The following ZNF420 variants were observed in gnomAD, a reference collection of about 807,000 sequenced individuals.
The protein encoded by ZNF420 is ATM and p53-associated KZNF protein.
ZNF420 carries 31 observed loss-of-function variants against 44.7 expected under a neutral mutation model. The ratio of observed to expected loss-of-function variants is 0.69; its 90% CI spans 0.52 to 0.94. ZNF420 has a LOEUF of 0.94. ZNF420 is among the 40% of genes least tolerant of loss of function. The probability of loss-of-function intolerance (pLI) is 0.00; values close to 1 mark genes in which losing one functional copy is unlikely to be tolerated. For missense variants in ZNF420, 681 were observed against 827.9 expected, an observed-to-expected ratio of 0.82 and a Z score of 2.18; for synonymous variants, 245 against 267.4, an observed-to-expected ratio of 0.92 and a Z score of 0.82.
intron 4 of ZNF420, chr19:37,107,060 A>C (rs186432614): frequency 3.3e-5 from 5 of 152,342 alleles, no homozygotes. Context: ...TGGGTTTTAC[A>C]CTGAGACATT....
chr19:37,011,440 A>G lies in ZNF420; in HGVS notation c.-125+3358A>G, dbSNP rs571471648. On this transcript the variant is annotated intron_variant, in intron 1 of 4. Coordinates refer to the ZNF420 transcript ENST00000587029. ...CATCCTCTTCTGAGCTCCTGGGTGG[A>G]CTGCCTCCCAGAACTGAATCTTTTG... is the stretch of plus-strand genomic sequence containing the variant. Among the ~76,000 whole-genome samples the G allele has an allele frequency of 2.0e-5, 3 of 152,206 alleles. No homozygotes were observed. In the East Asian group the frequency reaches 5.8e-4, roughly 29 times the overall value.
rs866784263 is a variant in ZNF420, at chr19:37,089,892, A to T, written c.9+765A>T. On this transcript the variant is annotated intron_variant, in intron 3 of 4. Coordinates refer to ENST00000337995, the MANE Select transcript of ZNF420 (RefSeq NM_144689.5). The stretch of plus-strand genomic sequence containing the variant: ...TATTCATTATATGGAGCTATTCTGT[A>T]GCCTATAAAATATTTACTAAATTAT... Among the ~76,000 whole-genome samples the T allele has an allele frequency of 3.9e-5, 6 of 152,336 alleles. No homozygotes were observed. The South Asian group carries it at 1.2e-3, about 32-fold the overall frequency.
intron 1 of ZNF420, among the ~76,000 whole-genome samples, chr19:37,049,736 C>G (rs1967605706): frequency 6.6e-6 from 1 of 152,168 alleles, no homozygotes; most frequent in Admixed American, 6.5e-5. Context: ...TCCCATTTGT[C>G]AATTTTGGCT....
At chr19:37,065,123 A>C (rs568557791) in intron 1 of ZNF420, among the ~76,000 whole-genome samples, 1 of 152,240 alleles carries the variant, frequency 6.6e-6, no homozygotes, top group East Asian at 1.9e-4. Context: ...GATTCTTTTA[A>C]CTCAAGATAC....
chr19:37,101,754 G>A (rs1463320742), intron 4 of ZNF420, among the ~76,000 whole-genome samples: 1 of 152,210 alleles, frequency 6.6e-6, no homozygotes, highest in African/African-American at 2.4e-5. Flanking sequence ...TGCTGTATGG[G>A]AGTCCAGACA....
At chr19:37,092,444 G>A (rs1969204502) in intron 4 of ZNF420, 1 of 152,098 alleles carries the variant, frequency 6.6e-6, no homozygotes, top group South Asian at 2.1e-4. Context: ...TCGGCTCGGT[G>A]GCTCACACCT....
intron 1 of ZNF420, among the ~76,000 whole-genome samples, chr19:37,010,078 C>T (rs901344992): frequency 6.6e-6 from 1 of 152,282 alleles, no homozygotes; most frequent in African/African-American, 2.4e-5. Flanking sequence ...TGCGCATGCC[C>T]GAGGCGCGAG....
intron 4 of ZNF420, among the ~76,000 whole-genome samples, chr19:37,110,954 A>T (rs1599698598): frequency 1.3e-5 from 2 of 152,374 alleles, no homozygotes; most frequent in South Asian, 4.1e-4. Context: ...GCCATGCACC[A>T]GAATTGATAA....
intron 1 of ZNF420, among the ~76,000 whole-genome samples, chr19:37,022,350 C>A (rs1380668307): frequency 1.3e-5 from 2 of 151,630 alleles, no homozygotes; most frequent in East Asian, 3.9e-4. Context: ...TTGAATTGTG[C>A]AAAAGGAATA....
chr19:37,053,030 G>C (rs1028258189), intron 1 of ZNF420, among the ~76,000 whole-genome samples: 1 of 152,098 alleles, frequency 6.6e-6, no homozygotes, highest in African/African-American at 2.4e-5. Context: ...TTTTCAAATA[G>C]TCCCATATTT....
chr19:37,127,469 A>G lies in ZNF420; in HGVS notation c.478A>G (p.Ile160Val). The G allele has an allele frequency of 1.2e-6, 2 of 1,614,058 alleles. No homozygotes were observed. The highest frequency in any genetic ancestry group is 2.2e-5 in the South Asian group (2 of 91,078). ...CTCACACCTAACACAACATCAAAGT[A>G]TTCATACTGGTGAAAAACCCTATGA... ...RASHLTQHQSIHTGEKPYECK... is the reference protein window; with the variant it reads ...RASHLTQHQSVHTGEKPYECK... The change falls in exon 5 of 5, where the codon ATT becomes GTT. Residue 160 changes from isoleucine (I) to valine (V), a missense_variant. By Grantham distance (29) the Ile-to-Val change is conservative. This residue lies in a region of ZNF420 where 350 missense variants were observed against 382.5 expected (regional missense o/e 0.92). Coordinates refer to ENST00000337995, the MANE Select transcript of ZNF420 (RefSeq NM_144689.5).
chr19:37,026,418 C>G (rs1967161682), intron 1 of ZNF420, among the ~76,000 whole-genome samples: 1 of 151,892 alleles, frequency 6.6e-6, no homozygotes, highest in Admixed American at 6.6e-5. Flanking sequence ...CTCCTGGGTT[C>G]AAGCGATTCT....
At chr19:37,036,068 A>G (rs1967349562) in intron 1 of ZNF420, among the ~76,000 whole-genome samples, 2 of 152,158 alleles carry the variant, frequency 1.3e-5, no homozygotes. Context: ...TGCCTTAACA[A>G]GGGCCCTTTT....
rs1446801943 is a variant in ZNF420 at position 37,128,176 on chromosome 19, A to G, written c.1185A>G (p.Glu395=). The G allele has an allele frequency of 2.5e-6, 4 of 1,614,042 alleles. No individual in the cohort carries two copies. Among genetic ancestry groups the G allele is most frequent in the Non-Finnish European group, 3.4e-6 (4 of 1,179,992 alleles). Residue 395 remains glutamate (E), a synonymous_variant, in exon 5 of 5, where the codon GAA becomes GAG. Coordinates refer to ENST00000337995, the MANE Select transcript of ZNF420 (RefSeq NM_144689.5). ...HTNEKPYECK[E]CGKMFSHGSQ... ...ATGAAAAGCCCTATGAATGTAAGGA[A>G]TGTGGAAAGATGTTTAGTCATGGCT...
intron 4 of ZNF420, among the ~76,000 whole-genome samples, chr19:37,121,993 G>A (rs1456869350): frequency 6.6e-6 from 1 of 152,158 alleles, no homozygotes; most frequent in African/African-American, 2.4e-5. Flanking sequence ...GGAGAAATAG[G>A]AACACTTCTA....
chr19:37,078,023 A>G (rs1056011065), upstream of ZNF420: 1 of 152,580 alleles, frequency 6.6e-6, no homozygotes, highest in South Asian at 2.1e-4. Context: ...AGGGCCTGGG[A>G]GGGCACACAC....
At chr19:37,019,736 C>T (rs527353041) in intron 1 of ZNF420, among the ~76,000 whole-genome samples, 2 of 151,232 alleles carry the variant, frequency 1.3e-5, no homozygotes, top group East Asian at 3.9e-4. Flanking sequence ...CACTGCACTC[C>T]CAATTGGGGG....
intron 4 of ZNF420, among the ~76,000 whole-genome samples, chr19:37,124,408 A>G (rs1971231795): frequency 6.6e-6 from 1 of 152,254 alleles, no homozygotes; most frequent in Non-Finnish European, 1.5e-5. Context: ...CTTCTGAATA[A>G]AGCTGTTATA....
At position 37,130,080 on chromosome 19, in the gene ZNF420, TAGG is replaced by T. The variant is rs776363148; in HGVS notation, c.*1025_*1027del. ...AAGATAGAAGTGATATTTATATGAG[TAGG>T]AGATTTACGAAATCCATTTTTCCTG... On this transcript the variant is annotated 3_prime_UTR_variant, in exon 5 of 5. Transcript: ENST00000337995. 1.3e-6 allele frequency: 2 copies of T among 1,550,392 alleles called. No individual in the cohort carries two copies. Among genetic ancestry groups the T allele is most frequent in the South Asian group, 2.4e-5 (2 of 84,058 alleles).
Sources: allele counts gnomAD v4.1 joint callset (sites outside exome capture counted in the v4.1 genomes callset), GRCh38; gene constraint gnomAD v4.1.1; regional missense constraint gnomAD v4.1.1; transcripts MANE v1.5; gene names NCBI Gene and HGNC (gene_info 2026-07-23, HGNC 2026-07-21).